PEAR1: variants seen among roughly 807,000 people sequenced by gnomAD.
PEAR1 encodes the protein platelet endothelial aggregation receptor 1.
Under a neutral mutation model 131.2 loss-of-function variants are expected in PEAR1, and 113 were observed. That is an observed-to-expected ratio of 0.86 (90% confidence interval 0.74 to 1.01). The LOEUF (loss-of-function observed/expected upper bound fraction) is 1.01, where lower values mean the gene tolerates loss of function less well. Among genes scored for constraint, PEAR1 ranks in the 50% least tolerant of loss-of-function variants. The probability of loss-of-function intolerance (pLI) is 0.00; values close to 1 mark genes in which losing one functional copy is unlikely to be tolerated. For missense variants in PEAR1, 1,408 were observed against 1,391.1 expected (o/e 1.01, Z -0.19); for synonymous variants, 565 against 523.3 (o/e 1.08, Z -1.09).
Position 156,912,798 on chromosome 1 carries a change from G to T in PEAR1, c.2238G>T (p.Pro746=). The T allele has an allele frequency of 1.2e-6, 2 of 1,614,138 alleles. No individual in the cohort carries two copies. The highest frequency in any genetic ancestry group is 2.2e-5 in the East Asian group (1 of 44,886). The change falls in exon 18 of 23, where the codon CCG becomes CCT. Residue 746 remains proline (P), a synonymous_variant. Transcript: ENST00000292357. ...TCCAGGAGCCCTTTACTGTGATGCC[G>T]ACCACTCCAGTAGCGTATAACTCGC... is the stretch of plus-strand genomic sequence containing the variant. ...IGIQEPFTVM[P]TTPVAYNSLG...
chr1:156,904,891 T>A (rs761988686), intron 3 of PEAR1, 39 bp downstream of exon 3: 1 of 1,612,944 alleles, frequency 6.2e-7, no homozygotes, highest in Admixed American at 1.7e-5. Flanking sequence ...ATGGGCTACC[T>A]GAGTCGCTGC....
intron 1 of PEAR1, among the ~76,000 whole-genome samples, chr1:156,898,487 G>A (rs909358636): frequency 2.6e-5 from 4 of 152,200 alleles, no homozygotes; most frequent in Admixed American, 2.6e-4. Context: ...AGTGCTCTGT[G>A]CTTCAGTGTG....
At chr1:156,907,835 T>C in intron 7 of PEAR1, 80 bp from the exon 8 acceptor site, 1 of 1,574,892 alleles carries the variant, frequency 6.3e-7, no homozygotes, top group Non-Finnish European at 8.6e-7. Context: ...AGCTCTGTGG[T>C]TATGGGGGTG....
Position 156,906,638 on chromosome 1 carries a change from G to C in PEAR1, c.402G>C (p.Glu134Asp), listed in dbSNP as rs1321936610. The C allele has an allele frequency of 1.2e-6, 2 of 1,614,166 alleles. No homozygotes were observed. The highest frequency in any genetic ancestry group is 2.7e-5 in the African/African-American group (2 of 75,058). ...CCTTCCCGCCTCCTTATCCCACAGA[G>C]TGTGCCCCAGGAATGTGGGGGCCAC... ...PGWRGDDCSS[E>D]CAPGMWGPQC... The change falls in exon 6 of 23, where the codon GAG (glutamate) becomes GAC (aspartate). Residue 134 changes from glutamate to aspartate, a missense_variant and splice_region_variant. Physicochemically the swap from Glu to Asp is conservative, Grantham distance 45. Transcript: ENST00000292357.
rs990179284 is a variant in PEAR1 at position 156,910,691 on chromosome 1, G to C, written c.1899G>C (p.Ser633=). Residue 633 remains serine, a synonymous_variant, in exon 15 of 23, where the codon TCG becomes TCC. Transcript: ENST00000292357. ...CTAACCACTCCTTCTGCCACCCCTC[G>C]AACGGGACCTGCTACTGCCTGGCTG... is the stretch of plus-strand genomic sequence containing the variant. ...KCANHSFCHP[S]NGTCYCLAGW... 1 of 1,614,032 alleles carries C rather than the reference G, an allele frequency of 6.2e-7. No individual in the cohort carries two copies. Among genetic ancestry groups the C allele is most frequent in the Non-Finnish European group, 8.5e-7 (1 of 1,179,992 alleles).
intron 15 of PEAR1, among the ~76,000 whole-genome samples, chr1:156,911,077 C>CTTTCTTTCTTTCT (rs1651055490): frequency 3.1e-5 from 2 of 65,336 alleles, no homozygotes; most frequent in South Asian, 9.2e-4. Context: ...TTCTTTCTTT[C>CTTTCTTTCTTTCT]TTTCTTTCTT....
At position 156,912,574 on chromosome 1, in the gene PEAR1, G is replaced by A; in HGVS notation, c.2161G>A (p.Gly721Arg). ...TGGAGAAAAGTGCCACCCAGAGACT[G>A]GGGCCTGTGTATGTCCCCCAGGGCA... ...GPGEKCHPET[G>R]ACVCPPGHSG... The change falls in exon 17 of 23, where the codon GGG becomes AGG. Residue 721 changes from glycine to arginine, a missense_variant. Coordinates refer to ENST00000292357, the MANE Select transcript of PEAR1 (RefSeq NM_001080471.3). 4 of 1,614,058 alleles carry A rather than the reference G, an allele frequency of 2.5e-6. No homozygotes were observed. The East Asian group carries it at 6.7e-5, about 27-fold the overall frequency.
intron 2 of PEAR1, 83 bp from the exon 3 acceptor site, chr1:156,904,665 C>A: frequency 7.1e-7 from 1 of 1,399,450 alleles, no homozygotes; most frequent in Non-Finnish European, 9.8e-7. Flanking sequence ...CCCACTGTGG[C>A]CAAGCCCTCA....
In PEAR1 at chr1:156,913,383, CCT is replaced by C. The variant is rs1239537397; in HGVS notation, c.2512-5_2512-4del. Reference sequence around the variant, plus strand: ...TCTTGCTCTCCCTCCTGCACTGTCCCCTCTTAGGTTCCAGGCCCGCTCTTTGC... The same window carrying C: ...TCTTGCTCTCCCTCCTGCACTGTCCCCTTAGGTTCCAGGCCCGCTCTTTGC... On this transcript the variant is annotated splice_polypyrimidine_tract_variant and splice_region_variant and intron_variant, in intron 19 of 22. Coordinates refer to ENST00000292357, the MANE Select transcript of PEAR1 (RefSeq NM_001080471.3). 6.2e-6 allele frequency: 10 copies of C among 1,613,106 alleles called. No individual in the cohort carries two copies. The highest frequency in any genetic ancestry group is 8.5e-6 in the Non-Finnish European group (10 of 1,179,628).
In PEAR1 at chr1:156,908,358, T is replaced by C; in HGVS notation, c.1115+18T>C. ...AGCCTCAGGTGGGCCGCGGGACATGTGGTCAAAGGATCAGGAGGCCAATGG... is the reference window on the plus strand; with the variant it reads ...AGCCTCAGGTGGGCCGCGGGACATGCGGTCAAAGGATCAGGAGGCCAATGG... On this transcript the variant is annotated intron_variant, in intron 9 of 22. Transcript: ENST00000292357. The surrounding 1 kb of genome is among the most constrained non-coding windows in gnomAD (Gnocchi z 4.2). 1 of 1,490,614 alleles carries C rather than the reference T, an allele frequency of 6.7e-7. No homozygotes were observed. Among genetic ancestry groups the C allele is most frequent in the Non-Finnish European group, 8.9e-7 (1 of 1,119,344 alleles). The allele number at this position is 1,490,614 out of a possible 1,614,324, so 92.3% of individuals were successfully genotyped here. A position where few individuals can be genotyped will look rare whatever the true frequency, so the allele number is the denominator to read the frequency against.
At position 156,908,845 on chromosome 1, in the gene PEAR1, C is replaced by A. The variant is rs1409610651; in HGVS notation, c.1290+16C>A. The A allele has an allele frequency of 3.1e-6, 5 of 1,605,750 alleles. No individual in the cohort carries two copies. In the Admixed American group the frequency reaches 8.3e-5, roughly 27 times the overall value. On this transcript the variant is annotated intron_variant, in intron 10 of 22. Transcript: ENST00000292357. The surrounding 1 kb of genome is among the most constrained non-coding windows in gnomAD (Gnocchi z 4.2). The stretch of plus-strand genomic sequence containing the variant: ...GGGTTACACGGTGAGGCGCGCCCGG[C>A]TGCAAGGAAGCGAGGCAGGTGGAGA...
chr1:156,909,076 T>A, intron 11 of PEAR1, 40 bp downstream of exon 11: 2 of 1,611,796 alleles, frequency 1.2e-6, no homozygotes, highest in Non-Finnish European at 1.7e-6. Context: ...ACTTGGGGGA[T>A]GGCCAAGGGA....
In PEAR1 at chr1:156,908,953, A is replaced by C; in HGVS notation, c.1328A>C (p.Tyr443Ser). The change falls in exon 11 of 23, where the codon TAC becomes TCC. Residue 443 changes from tyrosine (Y) to serine (S), a missense_variant. Transcript: ENST00000292357. This position sits in a 1 kb window ranked among gnomAD's most constrained non-coding sequence, Gnocchi z 4.2. ...HCASLCPPDT[Y>S]GVNCSARCSC... The stretch of plus-strand genomic sequence containing the variant: ...GCTAGTCTTTGTCCTCCTGACACCT[A>C]CGGTGTCAACTGTTCTGCACGCTGC... 1 of 1,613,858 alleles carries C rather than the reference A, an allele frequency of 6.2e-7. No homozygotes were observed. Among genetic ancestry groups the C allele is most frequent in the Non-Finnish European group, 8.5e-7 (1 of 1,179,858 alleles).
Position 156,913,673 on chromosome 1 carries a change from G to C in PEAR1, c.2645-19G>C. ...GGAGGGGACAGAGGGCTGATTACCA[G>C]TTGCCTCCTCCTCCTCAGGGAGCAG... On this transcript the variant is annotated intron_variant, in intron 20 of 22. Transcript: ENST00000292357. 1.9e-6 allele frequency: 3 copies of C among 1,612,424 alleles called. No homozygotes were observed. The highest frequency in any genetic ancestry group is 2.5e-6 in the Non-Finnish European group (3 of 1,179,356).
At position 156,908,648 on chromosome 1, in the gene PEAR1, C is replaced by T. The variant is rs759713809; in HGVS notation, c.1116-7C>T. ...AGACCGCGCCACGCCCCCGCCTCTG[C>T]CCCCAGCTGCCACCCGATGAACGGG... On this transcript the variant is annotated splice_region_variant and splice_polypyrimidine_tract_variant and intron_variant, in intron 9 of 22. Transcript: ENST00000292357. The surrounding 1 kb of genome is among the most constrained non-coding windows in gnomAD (Gnocchi z 4.2). 3.9e-6 allele frequency: 6 copies of T among 1,519,330 alleles called. No homozygotes were observed. The South Asian group carries it at 7.3e-5, about 19-fold the overall frequency. 94.1% of individuals were successfully genotyped at this position (1,519,330 alleles called of 1,614,324 possible). A position where few individuals can be genotyped will look rare whatever the true frequency, so the allele number is the denominator to read the frequency against.
At chr1:156,912,212 C>T (rs1310462603) in intron 15 of PEAR1, 35 bp from the exon 16 acceptor site, 4 of 1,580,566 alleles carry the variant, frequency 2.5e-6, no homozygotes, top group Non-Finnish European at 3.4e-6. Flanking sequence ...AAAAGCTGTA[C>T]CTGCCCCACC....
At position 156,912,799 on chromosome 1, in the gene PEAR1, AC is replaced by A; in HGVS notation, c.2241del (p.Thr748LeufsTer3). On this transcript the variant is annotated frameshift_variant, in exon 18 of 23. Coordinates refer to ENST00000292357, the MANE Select transcript of PEAR1 (RefSeq NM_001080471.3). LOFTEE classifies it high-confidence loss of function. ...GIQEPFTVMP[T>X]TPVAYNSLGA... ...CCAGGAGCCCTTTACTGTGATGCCGACCACTCCAGTAGCGTATAACTCGCTG... is the reference window on the plus strand; with the variant it reads ...CCAGGAGCCCTTTACTGTGATGCCGACACTCCAGTAGCGTATAACTCGCTG... 6.2e-7 allele frequency: 1 copy of A among 1,614,160 alleles called. No individual in the cohort carries two copies. Among genetic ancestry groups the A allele is most frequent in the South Asian group, 1.1e-5 (1 of 91,088 alleles).
intron 1 of PEAR1, among the ~76,000 whole-genome samples, chr1:156,903,288 T>A (rs1649869173): frequency 6.6e-6 from 1 of 152,186 alleles, no homozygotes; most frequent in Non-Finnish European, 1.5e-5. Flanking sequence ...TTTTGGCTTC[T>A]GCCTGCATAT....
At chr1:156,904,086 T>C (rs1649965267) in intron 2 of PEAR1, 59 bp downstream of exon 2, 9 of 1,387,654 alleles carry the variant, frequency 6.5e-6, no homozygotes, top group Non-Finnish European at 9.2e-6. Flanking sequence ...ATTGTCCCTA[T>C]TGTCCCTACT....
Sources: gnomAD v4.1 joint callset for allele counts (sites outside exome capture counted in the v4.1 genomes callset) on GRCh38, gnomAD v4.1.1 for gene constraint, Gnocchi (gnomAD v3.1) non-coding constraint, MANE v1.5 for transcripts, NCBI Gene and HGNC (gene_info 2026-07-23, HGNC 2026-07-21) for gene names.